MAP2K6: variants seen among roughly 807,000 people sequenced by gnomAD.
MAP2K6 encodes dual specificity mitogen-activated protein kinase kinase 6.
Under a neutral mutation model 53.7 loss-of-function variants are expected in MAP2K6, and 16 were observed. That is an observed-to-expected ratio of 0.30 (90% CI 0.20 to 0.45). The LOEUF (loss-of-function observed/expected upper bound fraction) is 0.45, where lower values mean the gene tolerates loss of function less well. MAP2K6 is among the 20% of genes least tolerant of loss of function. The pLI is 1.00. For synonymous variants in MAP2K6, 132 were observed against 143.1 expected (o/e 0.92, Z 0.55); for missense variants, 204 against 411.9 (o/e 0.50, Z 4.37).
At chr17:69,501,299 C>T (rs1006896797) in intron 1 of MAP2K6, among the ~76,000 whole-genome samples, 1 of 152,176 alleles carries the variant, frequency 6.6e-6, no homozygotes, top group Non-Finnish European at 1.5e-5. Context: ...CTTCTGTTGA[C>T]CGCGTGGGCT....
intron 6 of MAP2K6, chr17:69,520,659 A>C: frequency 2.5e-6 from 1 of 405,938 alleles, no homozygotes; most frequent in Non-Finnish European, 4.3e-6. Flanking sequence ...CTATATTCTG[A>C]CATTAGTTTA....
rs540502338 is a variant in MAP2K6 at position 69,505,732 on chromosome 17, C to T, written c.17-48C>T. On this transcript the variant is annotated intron_variant, in intron 1 of 11. Coordinates refer to ENST00000590474, the MANE Select transcript of MAP2K6 (RefSeq NM_002758.4). Reference sequence around the variant, plus strand: ...TTGCCGCAGTCTCTTTCTCTGCTATCTTGCTATGATTTAGTCCTTAACTTT... The same window carrying T: ...TTGCCGCAGTCTCTTTCTCTGCTATTTTGCTATGATTTAGTCCTTAACTTT... The T allele has an allele frequency of 2.1e-6, 3 of 1,461,206 alleles. No homozygotes were observed. In the East Asian group the frequency reaches 6.8e-5, roughly 33 times the overall value. The allele number at this position is 1,461,206 out of a possible 1,614,324, so 90.5% of individuals were successfully genotyped here.
intron 1 of MAP2K6, among the ~76,000 whole-genome samples, chr17:69,441,376 TATTG>T (rs1384711573): frequency 1.3e-5 from 2 of 152,230 alleles, no homozygotes; most frequent in Non-Finnish European, 2.9e-5. Flanking sequence ...TCTTCAAATT[TATTG>T]ATTCTCTGCT....
intron 10 of MAP2K6, among the ~76,000 whole-genome samples, chr17:69,532,720 A>G (rs568587639): frequency 1.8e-4 from 28 of 152,298 alleles, no homozygotes; most frequent in African/African-American, 6.5e-4. Flanking sequence ...TTTAATAAAC[A>G]GCCTTGCTTT....
At chr17:69,434,375 CCAA>C (rs1293621661) in intron 1 of MAP2K6, 1 of 152,244 alleles carries the variant, frequency 6.6e-6, no homozygotes, top group Non-Finnish European at 1.5e-5. Context: ...TTCCTGCCTG[CCAA>C]GAACGAGGGA....
chr17:69,484,636 T>A (rs1371572306), intron 1 of MAP2K6, among the ~76,000 whole-genome samples: 1 of 152,140 alleles, frequency 6.6e-6, no homozygotes, highest in Non-Finnish European at 1.5e-5. Context: ...TGAATGTACT[T>A]AGCAGCATTA....
At chr17:69,492,671 G>C (rs1258365991) in intron 1 of MAP2K6, among the ~76,000 whole-genome samples, 6 of 152,108 alleles carry the variant, frequency 3.9e-5, no homozygotes, top group Non-Finnish European at 7.3e-5. Flanking sequence ...CTCTGACTCA[G>C]CCTTCGCCTC....
At chr17:69,502,086 G>GAAAAGC (rs1909199683) in intron 1 of MAP2K6, 1 of 792,342 alleles carries the variant, frequency 1.3e-6, no homozygotes, top group South Asian at 5.7e-5. Context: ...GCAGAACATG[G>GAAAAGC]TACTGTCCAG....
intron 1 of MAP2K6, among the ~76,000 whole-genome samples, chr17:69,459,799 T>C (rs1223625756): frequency 6.6e-6 from 1 of 151,646 alleles, no homozygotes; most frequent in Non-Finnish European, 1.5e-5. Context: ...AAAAAAAAAT[T>C]TTGTTTCCTT....
At chr17:69,475,164 G>GTTTTTTT (rs775528883) in intron 1 of MAP2K6, among the ~76,000 whole-genome samples, 3 of 111,630 alleles carry the variant, frequency 2.7e-5, no homozygotes, top group Non-Finnish European at 5.3e-5. Flanking sequence ...TGAAATCTGT[G>GTTTTTTT]TTTTTTTTTT....
intron 7 of MAP2K6, chr17:69,521,818 A>AAC (rs1555610009): frequency 7.0e-6 from 1 of 142,056 alleles, no homozygotes; most frequent in Non-Finnish European, 1.5e-5. Flanking sequence ...AAAAAAAAAA[A>AAC]AAAAAAAAAA....
At chr17:69,511,484 GCT>G (rs1281281303) in intron 2 of MAP2K6, among the ~76,000 whole-genome samples, 2 of 152,174 alleles carry the variant, frequency 1.3e-5, no homozygotes, top group Non-Finnish European at 2.9e-5. Context: ...CTCTGTTTGA[GCT>G]CTTTCTTTGA....
intron 1 of MAP2K6, among the ~76,000 whole-genome samples, chr17:69,487,769 G>T (rs1908601072): frequency 6.6e-6 from 1 of 152,134 alleles, no homozygotes; most frequent in Non-Finnish European, 1.5e-5. Context: ...ACTTTGTATA[G>T]ATATGAGTGG....
intron 7 of MAP2K6, among the ~76,000 whole-genome samples, chr17:69,523,271 A>G (rs1161063147): frequency 6.6e-6 from 1 of 152,226 alleles, no homozygotes; most frequent in Non-Finnish European, 1.5e-5. Flanking sequence ...AGTGGAGAAA[A>G]CAGTTCTTTG....
At chr17:69,463,675 TAC>T (rs955525407) in intron 1 of MAP2K6, among the ~76,000 whole-genome samples, 44 of 151,282 alleles carry the variant, frequency 2.9e-4, no homozygotes, top group South Asian at 1.5e-3. Flanking sequence ...TATATGTATA[TAC>T]ACACACACAC....
intron 1 of MAP2K6, among the ~76,000 whole-genome samples, chr17:69,418,538 T>C (rs1380660094): frequency 6.7e-6 from 1 of 150,128 alleles, no homozygotes; most frequent in South Asian, 2.1e-4. Context: ...ACTTTTTTTT[T>C]CTATCTATGT....
At chr17:69,419,256 T>C (rs1905999184) in intron 1 of MAP2K6, among the ~76,000 whole-genome samples, 1 of 152,242 alleles carries the variant, frequency 6.6e-6, no homozygotes, top group Admixed American at 6.5e-5. Context: ...TACATCTTTA[T>C]ACATTTGCCC....
intron 1 of MAP2K6, among the ~76,000 whole-genome samples, chr17:69,419,235 T>C (rs1034142291): frequency 2.0e-5 from 3 of 152,228 alleles, no homozygotes; most frequent in African/African-American, 7.2e-5. Context: ...CTGTAAGGAA[T>C]ACCTGGAACA....
chr17:69,451,717 G>T (rs1455690617), intron 1 of MAP2K6, among the ~76,000 whole-genome samples: 2 of 152,158 alleles, frequency 1.3e-5, no homozygotes, highest in African/African-American at 4.8e-5. Flanking sequence ...CCTATCCAGA[G>T]AGGCAGAGAG....
Sources: allele counts gnomAD v4.1 joint callset (sites outside exome capture counted in the v4.1 genomes callset), GRCh38; gene constraint gnomAD v4.1.1; transcripts MANE v1.5; gene names NCBI Gene and HGNC (gene_info 2026-07-23, HGNC 2026-07-21).